Variants in PCDHA5 observed in about 807,000 individuals in gnomAD.
PCDHA5 encodes the protein protocadherin alpha-5.
In PCDHA5, 43 loss-of-function variants were observed where a neutral mutation model predicts 61.6. The observed-to-expected ratio is 0.70, with a 90% CI of 0.55 to 0.90. The LOEUF (loss-of-function observed/expected upper bound fraction) is 0.90, where lower values mean the gene tolerates loss of function less well. PCDHA5 is among the 40% of genes least tolerant of loss of function. PCDHA5 has a pLI of 0.00. For missense variants in PCDHA5, 1,298 were observed against 1,222.7 expected, an observed-to-expected ratio of 1.06 and a Z score of -0.92; for synonymous variants, 627 against 543.9, an observed-to-expected ratio of 1.15 and a Z score of -2.13.
chr5:140,947,539 C>G (rs144026826), intron 1 of PCDHA5, among the ~76,000 whole-genome samples: 3 of 151,678 alleles, frequency 2.0e-5, no homozygotes, highest in Admixed American at 2.0e-4. Context: ...TCAATTTCTA[C>G]AAAGAATTCC....
At chr5:140,850,803 A>G in intron 1 of PCDHA5, 4 of 1,598,380 alleles carry the variant, frequency 2.5e-6, no homozygotes, top group Non-Finnish European at 3.4e-6. Context: ...GACCGACCTC[A>G]TGGCCTTCAG....
At chr5:140,870,423 A>G in intron 1 of PCDHA5, 2 of 1,614,178 alleles carry the variant, frequency 1.2e-6, no homozygotes, top group African/African-American at 1.3e-5. Flanking sequence ...CGGCCAGGGT[A>G]TCCGTGGAGG....
In PCDHA5 at chr5:140,967,370, G is replaced by A. The variant is rs1554229504; in HGVS notation, c.2353-11579G>A. ...CGAGCTGGACCTTAAGCCCCTGCAGGAGAACAGTAAAGTGCTTGAGCTGGT... is the reference window on the plus strand; with the variant it reads ...CGAGCTGGACCTTAAGCCCCTGCAGAAGAACAGTAAAGTGCTTGAGCTGGT... On this transcript the variant is annotated intron_variant, in intron 1 of 3. Transcript: ENST00000529859. The A allele has an allele frequency of 3.1e-6, 5 of 1,607,662 alleles. No individual in the cohort carries two copies. The South Asian group carries it at 3.3e-5, about 11-fold the overall frequency.
At chr5:140,921,101 C>A (rs1331761775) in intron 1 of PCDHA5, among the ~76,000 whole-genome samples, 1 of 152,002 alleles carries the variant, frequency 6.6e-6, no homozygotes, top group Non-Finnish European at 1.5e-5. Context: ...CTGCCTCAGT[C>A]TCCTAAGTAG....
intron 1 of PCDHA5, among the ~76,000 whole-genome samples, chr5:140,921,611 A>C (rs781805165): frequency 6.6e-6 from 1 of 152,224 alleles, no homozygotes; most frequent in Non-Finnish European, 1.5e-5. Context: ...AATAAGAAAA[A>C]TATCATCAGA....
At chr5:140,978,222 G>A (rs997273847) in intron 1 of PCDHA5, among the ~76,000 whole-genome samples, 7 of 152,298 alleles carry the variant, frequency 4.6e-5, no homozygotes, top group East Asian at 1.9e-4. Context: ...AATGTATCAG[G>A]TTTTTCTTGG....
chr5:140,845,302 C>A lies in PCDHA5; in HGVS notation c.2352+21175C>A, dbSNP rs2150378107. On this transcript the variant is annotated intron_variant, in intron 1 of 3. Coordinates refer to ENST00000529859, the MANE Select transcript of PCDHA5 (RefSeq NM_018908.3). ...TATTTCCTATCCTGTCTATGTCTAC[C>A]TGGTTCTCAGGTATTACTTTAATTA... is the stretch of plus-strand genomic sequence containing the variant. 3.4e-5 allele frequency among the ~76,000 whole-genome samples: 5 copies of A among 148,988 alleles called. 1 individual carries two copies. Among genetic ancestry groups the A allele is most frequent in the Non-Finnish European group, 6.0e-5 (4 of 66,584 alleles).
chr5:140,842,085 C>T (rs2150329021), intron 1 of PCDHA5: 1 of 1,613,890 alleles, frequency 6.2e-7, no homozygotes, highest in Non-Finnish European at 8.5e-7. Flanking sequence ...TTCGAAAACG[C>T]AGACAACGGA....
At chr5:140,949,360 T>G (rs1178484553) in intron 1 of PCDHA5, among the ~76,000 whole-genome samples, 1 of 151,868 alleles carries the variant, frequency 6.6e-6, no homozygotes, top group South Asian at 2.1e-4. Context: ...TTTATTTTTT[T>G]GTCTAGTTGT....
intron 1 of PCDHA5, among the ~76,000 whole-genome samples, chr5:140,916,395 G>A (rs2077556484): frequency 6.6e-6 from 1 of 152,180 alleles, no homozygotes; most frequent in African/African-American, 2.4e-5. Flanking sequence ...GGAATGTGCT[G>A]GATCACACCT....
intron 1 of PCDHA5, chr5:140,884,795 T>C: frequency 7.8e-7 from 1 of 1,280,270 alleles, no homozygotes; most frequent in South Asian, 1.7e-5. Context: ...TGTTATCGAA[T>C]TTAACAACTC....
chr5:140,918,006 TG>T (rs1358735901), intron 1 of PCDHA5, among the ~76,000 whole-genome samples: 6 of 152,208 alleles, frequency 3.9e-5, no homozygotes, highest in Non-Finnish European at 7.3e-5. Flanking sequence ...TTAACAATGT[TG>T]TTTCTTCCTA....
At chr5:140,861,631 C>A (rs960525062) in intron 1 of PCDHA5, 2 of 314,942 alleles carry the variant, frequency 6.4e-6, no homozygotes, top group Non-Finnish European at 1.3e-5. Context: ...GTGTTCTCAG[C>A]AACACAAAAG....
At chr5:140,871,097 T>A in intron 1 of PCDHA5, 1 of 1,613,266 alleles carries the variant, frequency 6.2e-7, no homozygotes, top group Admixed American at 1.7e-5. Flanking sequence ...GCCACCGTGC[T>A]GGTGTCGTTG....
At chr5:140,964,509 C>T (rs552530683) in intron 1 of PCDHA5, among the ~76,000 whole-genome samples, 1 of 152,258 alleles carries the variant, frequency 6.6e-6, no homozygotes, top group Non-Finnish European at 1.5e-5. Flanking sequence ...GGTCAATACC[C>T]AGTGGCCAGG....
At chr5:140,967,750 C>T (rs782284231) in intron 1 of PCDHA5, 3 of 1,614,072 alleles carry the variant, frequency 1.9e-6, no homozygotes, top group Non-Finnish European at 8.5e-7. Flanking sequence ...ATGAGGAAGC[C>T]TCCTCCTACC....
At chr5:140,848,246 A>G (rs1781398365) in intron 1 of PCDHA5, 1 of 453,054 alleles carries the variant, frequency 2.2e-6, no homozygotes, top group African/African-American at 2.0e-5. Context: ...GTTTTGCAGA[A>G]TAACTGTGAA....
intron 1 of PCDHA5, 168 bp from the exon 2 acceptor site, chr5:140,978,781 A>G (rs4461687): frequency 4.1e-6 from 4 of 969,772 alleles, no homozygotes; most frequent in South Asian, 4.8e-5. Context: ...ATTTTCTTCT[A>G]AAGTGCTATA....
At chr5:140,906,502 CAAAG>C (rs1295778527) in intron 1 of PCDHA5, among the ~76,000 whole-genome samples, 1 of 152,180 alleles carries the variant, frequency 6.6e-6, no homozygotes, top group African/African-American at 2.4e-5. Context: ...ATGTTTTTAA[CAAAG>C]AAGGAGGAAA....
Sources: allele counts gnomAD v4.1 joint callset (sites outside exome capture counted in the v4.1 genomes callset), GRCh38; gene constraint gnomAD v4.1.1; transcripts MANE v1.5; gene names NCBI Gene and HGNC (gene_info 2026-07-23, HGNC 2026-07-21).